GALNT13: variants seen among roughly 807,000 people sequenced by gnomAD.
GALNT13 encodes the protein UDP-GalNAc:polypeptide N-acetylgalactosaminyltransferase 13.
Under a neutral mutation model 64.2 loss-of-function variants are expected in GALNT13, and 28 were observed. That is an observed-to-expected ratio of 0.44 (90% CI 0.32 to 0.60). The LOEUF is 0.60. Ranked by LOEUF, GALNT13 falls within the 20% of genes least tolerant of loss-of-function variation. The probability of loss-of-function intolerance (pLI) is 0.05; values close to 1 mark genes in which losing one functional copy is unlikely to be tolerated. For synonymous variants in GALNT13, 214 were observed against 224.6 expected (o/e 0.95, Z 0.42); for missense variants, 577 against 669.8 (o/e 0.86, Z 1.53).
the GALNT13 span, among the ~76,000 whole-genome samples, chr2:153,603,002 C>T: frequency 7.2e-5 from 11 of 151,864 alleles, no homozygotes. Context: ...CTTTTAACAA[C>T]AGTATATATT....
the GALNT13 span, among the ~76,000 whole-genome samples, chr2:153,220,351 T>A: frequency 6.6e-6 from 1 of 152,176 alleles, no homozygotes; most frequent in East Asian, 1.9e-4. Flanking sequence ...GAACTGGTAA[T>A]CGGCAGCTTT....
At chr2:153,630,301 C>T in the GALNT13 span, among the ~76,000 whole-genome samples, 32 of 151,816 alleles carry the variant, frequency 2.1e-4, no homozygotes, top group Middle Eastern at 3.4e-3. Context: ...ATATACACCA[C>T]GGAATACTAT....
the GALNT13 span, among the ~76,000 whole-genome samples, chr2:153,433,903 T>C: frequency 6.6e-6 from 1 of 152,162 alleles, no homozygotes; most frequent in Non-Finnish European, 1.5e-5. Flanking sequence ...TATGTATACA[T>C]GTGCCATGTT....
intron 9 of GALNT13, among the ~76,000 whole-genome samples, chr2:154,349,972 T>C (rs2105251268): frequency 6.6e-6 from 1 of 152,322 alleles, no homozygotes; most frequent in South Asian, 2.1e-4. Context: ...ATGTCAGTTC[T>C]AAGTGTTGCT....
chr2:153,526,912 G>C, the GALNT13 span, among the ~76,000 whole-genome samples: 1 of 152,072 alleles, frequency 6.6e-6, no homozygotes, highest in Non-Finnish European at 1.5e-5. Flanking sequence ...TAATGAAGAA[G>C]CATCAGAGTC....
chr2:154,361,311 C>A (rs1045224515), intron 9 of GALNT13, among the ~76,000 whole-genome samples: 4 of 152,034 alleles, frequency 2.6e-5, no homozygotes, highest in Non-Finnish European at 2.9e-5. Context: ...ATATGTGTAA[C>A]CTAAATTAGT....
the GALNT13 span, among the ~76,000 whole-genome samples, chr2:153,445,178 GAA>G: frequency 6.6e-6 from 1 of 151,976 alleles, no homozygotes; most frequent in Admixed American, 6.6e-5. Flanking sequence ...ATACTTATAT[GAA>G]AACATGTCTG....
chr2:154,179,485 T>G (rs1685839014), intron 4 of GALNT13, among the ~76,000 whole-genome samples: 1 of 152,218 alleles, frequency 6.6e-6, no homozygotes, highest in South Asian at 2.1e-4. Flanking sequence ...ATTTTAAAAT[T>G]AAAAGTATAT....
At chr2:153,633,449 A>G in the GALNT13 span, among the ~76,000 whole-genome samples, 1 of 152,170 alleles carries the variant, frequency 6.6e-6, no homozygotes, top group African/African-American at 2.4e-5. Context: ...AGCAAATATT[A>G]GGTTTTTTCC....
chr2:153,852,584 A>C, the GALNT13 span, among the ~76,000 whole-genome samples: 8 of 152,220 alleles, frequency 5.3e-5, no homozygotes, highest in Non-Finnish European at 1.2e-4. Flanking sequence ...TGCTCTCTCA[A>C]TAACTGATAG....
chr2:154,173,025 C>CA (rs1179474801), intron 4 of GALNT13, among the ~76,000 whole-genome samples: 2 of 151,554 alleles, frequency 1.3e-5, no homozygotes, highest in East Asian at 3.9e-4. Flanking sequence ...CAATCATGAG[C>CA]AAAAAAGAAC....
intron 9 of GALNT13, among the ~76,000 whole-genome samples, chr2:154,372,395 G>A (rs1471447443): frequency 6.6e-6 from 1 of 152,024 alleles, no homozygotes; most frequent in Non-Finnish European, 1.5e-5. Context: ...CTAACAACTA[G>A]AGGCAATAGA....
chr2:153,303,476 A>G, the GALNT13 span, among the ~76,000 whole-genome samples: 2 of 152,098 alleles, frequency 1.3e-5, no homozygotes, highest in East Asian at 1.9e-4. Flanking sequence ...ATGGTTTTCT[A>G]TGTATAAGAG....
At chr2:153,474,656 C>A in the GALNT13 span, among the ~76,000 whole-genome samples, 1 of 152,200 alleles carries the variant, frequency 6.6e-6, no homozygotes, top group Non-Finnish European at 1.5e-5. Context: ...AGAGGTATCA[C>A]TAGCTGTCTG....
the GALNT13 span, among the ~76,000 whole-genome samples, chr2:153,671,624 T>A: frequency 4.6e-5 from 7 of 152,168 alleles, no homozygotes; most frequent in African/African-American, 1.7e-4. Flanking sequence ...CCATTGACAC[T>A]ATGAAGAAAC....
At chr2:153,220,415 G>T in the GALNT13 span, among the ~76,000 whole-genome samples, 1 of 152,168 alleles carries the variant, frequency 6.6e-6, no homozygotes, top group Non-Finnish European at 1.5e-5. Flanking sequence ...AAATGGTGAA[G>T]TATGACCTTC....
chr2:154,331,774 T>A (rs1297183616), intron 9 of GALNT13, among the ~76,000 whole-genome samples: 1 of 152,140 alleles, frequency 6.6e-6, no homozygotes, highest in Non-Finnish European at 1.5e-5. Flanking sequence ...GTACTAATTT[T>A]AAATGACTTT....
chr2:153,611,758 A>C, the GALNT13 span, among the ~76,000 whole-genome samples: 1 of 133,698 alleles, frequency 7.5e-6, no homozygotes, highest in South Asian at 2.4e-4. Context: ...TTACATAGGT[A>C]TACATGTGCC....
chr2:153,607,089 T>C, the GALNT13 span, among the ~76,000 whole-genome samples: 1 of 152,062 alleles, frequency 6.6e-6, no homozygotes, highest in African/African-American at 2.4e-5. Flanking sequence ...TGAGCAGTTA[T>C]TGAAGTTGTT....
Sources: gnomAD v4.1 joint callset for allele counts (sites outside exome capture counted in the v4.1 genomes callset) on GRCh38, gnomAD v4.1.1 for gene constraint, MANE v1.5 for transcripts, NCBI Gene and HGNC (gene_info 2026-07-23, HGNC 2026-07-21) for gene names.